Variants in MYH15 observed in about 807,000 individuals in gnomAD.
The protein encoded by MYH15 is myosin-15.
In MYH15, 227 loss-of-function variants were observed where a neutral mutation model predicts 240.5. That is an observed-to-expected ratio of 0.94 (90% CI 0.85 to 1.05). The LOEUF (loss-of-function observed/expected upper bound fraction) is 1.05, where lower values mean the gene tolerates loss of function less well. Among genes scored for constraint, MYH15 ranks in the 50% least tolerant of loss-of-function variants. The pLI, the probability that MYH15 is intolerant of heterozygous loss-of-function variation, is 0.00. For synonymous variants in MYH15, 785 were observed against 796.7 expected (o/e 0.99, Z 0.25); for missense variants, 2,217 against 2,247.5 (o/e 0.99, Z 0.27).
Position 108,380,380 on chromosome 3 carries a change from GATTT to G in MYH15, c.*1161_*1164del, listed in dbSNP as rs1288727101. On this transcript the variant is annotated 3_prime_UTR_variant, in exon 41 of 41. Transcript: ENST00000693548. ...CAGAATCAGAGAATGACAGAATAAA[GATTT>G]ATTATAGAGCTTCAGCCTTACACAA... is the stretch of plus-strand genomic sequence containing the variant. 6.6e-6 allele frequency: 1 copy of G among 152,412 alleles called. No individual in the cohort carries two copies. Among genetic ancestry groups the G allele is most frequent in the African/African-American group, 2.4e-5 (1 of 41,464 alleles). The allele number at this position is 152,412 out of a possible 1,614,324, so 9.4% of individuals were successfully genotyped here.
At chr3:108,402,099 C>T (rs934068180) in intron 33 of MYH15, among the ~76,000 whole-genome samples, 28 of 150,570 alleles carry the variant, frequency 1.9e-4, no homozygotes, top group African/African-American at 6.8e-4. Flanking sequence ...TATTGCTAAT[C>T]TATGTATGAG....
In MYH15 at chr3:108,414,342, G is replaced by A. The variant is rs149020906; in HGVS notation, c.4035C>T (p.Val1345=). ...LREQYEEEQE[V]KAELHRTLSK... ...ATAAGGTCCGGTGCAGCTCAGCCTT[G>A]ACCTCTTGTTCTTCCTCATACTGCT... Residue 1345 remains valine, a synonymous_variant, in exon 30 of 41, where the codon GTC becomes GTT. Transcript: ENST00000693548. The A allele has an allele frequency of 1.6e-3, 2,587 of 1,614,130 alleles. 4 individuals are homozygous for A. The highest frequency in any genetic ancestry group is 2.0e-3 in the Non-Finnish European group (2,419 of 1,180,006).
chr3:108,428,503 T>A lies in MYH15; in HGVS notation c.3691A>T (p.Thr1231Ser), dbSNP rs747300219. 5 of 1,612,080 alleles carry A rather than the reference T, an allele frequency of 3.1e-6. No homozygotes were observed. The African/African-American group carries it at 6.7e-5, about 22-fold the overall frequency. The change falls in exon 27 of 41, where the codon ACA becomes TCA. Residue 1231 changes from threonine (T) to serine (S), a missense_variant. Thr to Ser is a moderately conservative substitution (Grantham distance 58). Coordinates refer to ENST00000693548, the MANE Select transcript of MYH15 (RefSeq NM_014981.3). Reference protein sequence around the residue: ...DDLLTRVEQMTRAKANAEKLC... With the variant: ...DDLLTRVEQMSRAKANAEKLC... ...ATGGGAGTATCTACCTTAGCTCTTGTCATCTGCTCAACACGGGTCAGGAGG... is the reference window on the plus strand; with the variant it reads ...ATGGGAGTATCTACCTTAGCTCTTGACATCTGCTCAACACGGGTCAGGAGG...
chr3:108,535,525 G>C, the MYH15 span, among the ~76,000 whole-genome samples: 1 of 152,038 alleles, frequency 6.6e-6, no homozygotes, highest in African/African-American at 2.4e-5. Context: ...TTGGGAGTTA[G>C]GATTCAACAT....
At chr3:108,499,511 T>G (rs1371002883) in intron 4 of MYH15, 29 bp from the exon 5 acceptor site, 3 of 1,603,608 alleles carry the variant, frequency 1.9e-6, no homozygotes, top group Non-Finnish European at 2.6e-6. Context: ...TGCCAGAATA[T>G]TCTTATATTC....
At chr3:108,520,225 A>C (rs917925930) in intron 1 of MYH15, among the ~76,000 whole-genome samples, 1 of 152,190 alleles carries the variant, frequency 6.6e-6, no homozygotes, top group African/African-American at 2.4e-5. Context: ...ATTGCTGTTA[A>C]AATTCTCACC....
At chr3:108,493,470 G>A (rs920447904) in intron 7 of MYH15, among the ~76,000 whole-genome samples, 1 of 152,206 alleles carries the variant, frequency 6.6e-6, no homozygotes. Context: ...GTGTATTCTT[G>A]TGGGCATTGT....
In MYH15 at chr3:108,398,653, T is replaced by C. The variant is rs757349603; in HGVS notation, c.5117A>G (p.Asn1706Ser). 3 of 1,613,222 alleles carry C rather than the reference T, an allele frequency of 1.9e-6. No homozygotes were observed. The highest frequency in any genetic ancestry group is 1.7e-5 in the Admixed American group (1 of 60,028). Reference protein sequence around the residue: ...EELLEATERINLFYTQNTSLL... With the variant: ...EELLEATERISLFYTQNTSLL... ...GGGCCCCACCTGGGTATAGAAAAGA[T>C]TGATTCTTTCTGTTGCTTCCAGGAG... The change falls in exon 35 of 41, where the codon AAT (asparagine) becomes AGT (serine). Residue 1706 changes from asparagine to serine, a missense_variant. Coordinates refer to ENST00000693548, the MANE Select transcript of MYH15 (RefSeq NM_014981.3).
Position 108,410,928 on chromosome 3 carries a change from C to G in MYH15, c.4150G>C (p.Glu1384Gln). The part of the protein sequence containing the change: ...RTEDLEDAKK[E>Q]LAIRLQEAAE... ...GCCTCCTGCAATCTAATTGCCAGTT[C>G]CTTCCTGAGAAAGGAGGACACCCAA... Residue 1384 changes from glutamate to glutamine, a missense_variant, in exon 31 of 41, where the codon GAA becomes CAA. Physicochemically the swap from Glu to Gln is conservative, Grantham distance 29 (BLOSUM62 2). Transcript: ENST00000693548. The G allele has an allele frequency of 6.3e-7, 1 of 1,593,164 alleles. No individual in the cohort carries two copies. Among genetic ancestry groups the G allele is most frequent in the Non-Finnish European group, 8.6e-7 (1 of 1,164,546 alleles).
Position 108,500,190 on chromosome 3 carries a change from CT to C in MYH15, c.423del (p.Lys143ArgfsTer42). The C allele has an allele frequency of 6.2e-7, 1 of 1,614,074 alleles. No homozygotes were observed. The highest frequency in any genetic ancestry group is 1.1e-5 in the South Asian group (1 of 91,072). ...GGGGGAGCCTCTGATCGCCTCTTCCCTTTGTAGGCGGCCATGACTTCTTTCT... is the reference window on the plus strand; with the variant it reads ...GGGGGAGCCTCTGATCGCCTCTTCCCTTGTAGGCGGCCATGACTTCTTTCT... ...VYQKEVMAAYKGKRRSEAPPH... is the reference protein window; with the variant it reads ...VYQKEVMAAYXGKRRSEAPPH... On this transcript the variant is annotated frameshift_variant, in exon 4 of 41. Transcript: ENST00000693548. LOFTEE classifies it high-confidence loss of function.
In MYH15 at chr3:108,498,041, T is replaced by TA. The variant is rs1392970186; in HGVS notation, c.618+10dup. 1 of 1,612,680 alleles carries TA rather than the reference T, an allele frequency of 6.2e-7. No individual in the cohort carries two copies. Among genetic ancestry groups the TA allele is most frequent in the African/African-American group, 1.3e-5 (1 of 75,000 alleles). ...ACCTCATCTTTTCTACCAAGCTATA[T>TA]AAACACTTACCTGCTTTTTCCTGGA... On this transcript the variant is annotated intron_variant, in intron 6 of 40. Transcript: ENST00000693548.
chr3:108,472,971 C>A (rs367778587), intron 12 of MYH15, among the ~76,000 whole-genome samples: 19 of 152,190 alleles, frequency 1.2e-4, no homozygotes, highest in South Asian at 6.2e-4. Flanking sequence ...ATATAGAAAA[C>A]AACAACAGAA....
Position 108,485,105 on chromosome 3 carries a change from G to C in MYH15, c.1100C>G (p.Ala367Gly). The change falls in exon 11 of 41, where the codon GCA becomes GGA. Residue 367 changes from alanine (A) to glycine (G), a missense_variant. Ala to Gly is a moderately conservative substitution (Grantham distance 60). Transcript: ENST00000693548. ...KQKPREEQLE[A>G]DGTENADKAA... ...GTAATTCTTACTTTCTGTGCCATCT[G>C]CTTCCAGTTGCTCTTCTCTAGGTTT... is the stretch of plus-strand genomic sequence containing the variant. 1 of 1,613,984 alleles carries C rather than the reference G, an allele frequency of 6.2e-7. No homozygotes were observed. The highest frequency in any genetic ancestry group is 8.5e-7 in the Non-Finnish European group (1 of 1,179,926).
chr3:108,495,103 G>A (rs1235928377), intron 7 of MYH15, among the ~76,000 whole-genome samples: 1 of 152,192 alleles, frequency 6.6e-6, no homozygotes, highest in Non-Finnish European at 1.5e-5. Flanking sequence ...AAATCGGCAT[G>A]AGGTTATTAT....
chr3:108,548,863 TTAAG>T, the MYH15 span, among the ~76,000 whole-genome samples: 6 of 152,112 alleles, frequency 3.9e-5, no homozygotes, highest in Non-Finnish European at 5.9e-5. Flanking sequence ...CTTTTTATTC[TTAAG>T]TAACTAGTCC....
intron 1 of MYH15, among the ~76,000 whole-genome samples, chr3:108,526,449 T>C (rs2083671811): frequency 6.6e-6 from 1 of 152,148 alleles, no homozygotes; most frequent in African/African-American, 2.4e-5. Flanking sequence ...TATTCACAGG[T>C]TTCCAGTCAG....
intron 7 of MYH15, 26 bp from the exon 8 acceptor site, chr3:108,493,203 GAC>G: frequency 1.2e-6 from 2 of 1,602,822 alleles, no homozygotes; most frequent in Non-Finnish European, 1.7e-6. Flanking sequence ...AACACAGTCA[GAC>G]ACAAAACACA....
intron 1 of MYH15, among the ~76,000 whole-genome samples, chr3:108,507,226 A>AATATATATATATATATAT (rs147101810): frequency 1.0e-5 from 1 of 98,524 alleles, no homozygotes; most frequent in Non-Finnish European, 1.9e-5. Flanking sequence ...AAGGAAAATG[A>AATATATATATATATATAT]ATATATATAT....
chr3:108,417,695 A>C (rs1407250188), intron 28 of MYH15, among the ~76,000 whole-genome samples: 1 of 151,842 alleles, frequency 6.6e-6, no homozygotes, highest in Non-Finnish European at 1.5e-5. Context: ...TGCTTTGTGA[A>C]TTCAACCTAC....
Sources: gnomAD v4.1 joint callset for allele counts (sites outside exome capture counted in the v4.1 genomes callset) on GRCh38, gnomAD v4.1.1 for gene constraint, MANE v1.5 for transcripts, NCBI Gene and HGNC (gene_info 2026-07-23, HGNC 2026-07-21) for gene names.